The following COL27A1 variants were observed in gnomAD, a reference collection of about 807,000 sequenced individuals.
COL27A1 encodes the protein collagen type XXVII alpha 1 chain, also known as collagen alpha-1(XXVII) chain.
Under a neutral mutation model 251.3 loss-of-function variants are expected in COL27A1, and 106 were observed. The observed-to-expected ratio is 0.42, with a 90% CI of 0.36 to 0.50. COL27A1 has a LOEUF of 0.50. Ranked by LOEUF, COL27A1 falls within the 20% of genes least tolerant of loss-of-function variation. The pLI, the probability that COL27A1 is intolerant of heterozygous loss-of-function variation, is 0.00. For synonymous variants in COL27A1, 1,000 were observed against 986.3 expected (o/e 1.01, Z -0.26); for missense variants, 2,325 against 2,522.8 (o/e 0.92, Z 1.68).
intron 37 of COL27A1, 130 bp from the exon 38 acceptor site, chr9:114,282,147 C>T: frequency 1.3e-6 from 1 of 750,808 alleles, no homozygotes; most frequent in East Asian, 2.5e-5. Context: ...CATGTGGGTA[C>T]TGGGTGGCAG....
chr9:114,202,078 T>G, intron 7 of COL27A1, among the ~76,000 whole-genome samples: 1 of 152,218 alleles, frequency 6.6e-6, no homozygotes, highest in Admixed American at 6.5e-5. Context: ...ATGTGAAGGC[T>G]TCAGTGCTGA....
intron 41 of COL27A1, among the ~76,000 whole-genome samples, chr9:114,285,339 C>A (rs1489942456): frequency 6.6e-6 from 1 of 152,016 alleles, no homozygotes; most frequent in Non-Finnish European, 1.5e-5. Flanking sequence ...CTGGACCCTG[C>A]CCCCCCATGC....
intron 49 of COL27A1, among the ~76,000 whole-genome samples, chr9:114,295,366 A>G (rs915292854): frequency 6.6e-6 from 1 of 152,216 alleles, no homozygotes; most frequent in African/African-American, 2.4e-5. Context: ...AATTTCTTCA[A>G]ATTGGTGTAT....
At chr9:114,276,976 C>G (rs573978521) in intron 37 of COL27A1, among the ~76,000 whole-genome samples, 1 of 152,224 alleles carries the variant, frequency 6.6e-6, no homozygotes, top group Non-Finnish European at 1.5e-5. Flanking sequence ...CAGGCTCACA[C>G]AGTGAGAAAT....
chr9:114,246,564 T>G (rs1477884497), intron 24 of COL27A1, among the ~76,000 whole-genome samples: 3 of 151,940 alleles, frequency 2.0e-5, no homozygotes, highest in Non-Finnish European at 4.4e-5. Context: ...GGTGGAGAGG[T>G]GTTCATCTCC....
At chr9:114,156,164 T>C (rs1284177529) in intron 1 of COL27A1, 152 bp downstream of exon 1, 1 of 1,186,428 alleles carries the variant, frequency 8.4e-7, no homozygotes, top group Non-Finnish European at 1.1e-6. Context: ...CAAGGGTTAA[T>C]AGGGGCTGCG....
intron 36 of COL27A1, chr9:114,271,219 T>C (rs1835116812): frequency 6.1e-6 from 1 of 164,148 alleles, no homozygotes; most frequent in East Asian, 1.9e-4. Flanking sequence ...GGTACAACGC[T>C]AAGCCCTTTA....
At chr9:114,158,973 G>A (rs1430247033) in intron 1 of COL27A1, among the ~76,000 whole-genome samples, 52 of 152,232 alleles carry the variant, frequency 3.4e-4, no homozygotes, top group Admixed American at 3.4e-3. Flanking sequence ...TCTTTTCAAA[G>A]AAGGGAGAGA....
chr9:114,207,304 TG>T (rs1252713931), intron 10 of COL27A1, among the ~76,000 whole-genome samples: 9 of 150,910 alleles, frequency 6.0e-5, no homozygotes, highest in African/African-American at 2.2e-4. Context: ...GAGGCGGGAG[TG>T]GGGGCGGGGA....
At position 114,282,443 on chromosome 9, in the gene COL27A1, T is replaced by C. The variant is rs1023098312; in HGVS notation, c.3772-14T>C. 1.2e-6 allele frequency: 2 copies of C among 1,608,358 alleles called. No individual in the cohort carries two copies. Among genetic ancestry groups the C allele is most frequent in the Non-Finnish European group, 1.7e-6 (2 of 1,177,004 alleles). ...GTTGGGCCTGGTGACAGCTTGTCTT[T>C]CCTCCTGTTGCAGGGTGCCAAGGGC... On this transcript the variant is annotated splice_polypyrimidine_tract_variant and intron_variant, in intron 38 of 60. Transcript: ENST00000356083.
intron 56 of COL27A1, 111 bp from the exon 57 acceptor site, chr9:114,304,497 C>A: frequency 2.2e-6 from 2 of 898,188 alleles, no homozygotes; most frequent in Non-Finnish European, 3.7e-6. Flanking sequence ...CTGCAGAGGG[C>A]ATATGACTTG....
chr9:114,246,786 C>A (rs1446514419), intron 24 of COL27A1, among the ~76,000 whole-genome samples: 1 of 151,814 alleles, frequency 6.6e-6, no homozygotes, highest in Non-Finnish European at 1.5e-5. Context: ...TTTTTGAAAT[C>A]TTTCCAGTGT....
At chr9:114,307,591 G>T (rs771404520) in intron 58 of COL27A1, 78 bp from the exon 59 acceptor site, 1 of 1,000,722 alleles carries the variant, frequency 1.0e-6, no homozygotes, top group Non-Finnish European at 1.6e-6. Context: ...GTCACAAGAT[G>T]CAGGGTCCAT....
In COL27A1 at chr9:114,167,760, C is replaced by G. The variant is rs1848992758; in HGVS notation, c.205C>G (p.Pro69Ala). The G allele has an allele frequency of 3.7e-6, 6 of 1,613,734 alleles. No homozygotes were observed. In the Admixed American group the frequency reaches 1.0e-4, roughly 27 times the overall value. ...GAGCCCTGCACCCCCGGGAGTCATT[C>G]CTTTCCAGTCGGGCTTCATCTTTAC... ...AGSPAPPGVI[P>A]FQSGFIFTQR... The change falls in exon 3 of 61, where the codon CCT (proline) becomes GCT (alanine). Residue 69 changes from proline to alanine, a missense_variant. Transcript: ENST00000356083.
chr9:114,211,991 G>T (rs1167892847), intron 12 of COL27A1, among the ~76,000 whole-genome samples: 1 of 152,226 alleles, frequency 6.6e-6, no homozygotes, highest in Non-Finnish European at 1.5e-5. Flanking sequence ...TGGAGCATTC[G>T]AGAGTGCTCA....
intron 27 of COL27A1, among the ~76,000 whole-genome samples, chr9:114,253,625 ATCCTGGGGCAGATCTGACTGTAT>A (rs2135538212): frequency 1.3e-5 from 2 of 152,246 alleles, no homozygotes; most frequent in East Asian, 1.9e-4. Context: ...TCTGACTATA[ATCCTGGGGCAGATCTGACTGTAT>A]TCCTGGGGCA....
At chr9:114,191,936 C>T (rs1828777354) in intron 5 of COL27A1, among the ~76,000 whole-genome samples, 1 of 152,196 alleles carries the variant, frequency 6.6e-6, no homozygotes, top group Admixed American at 6.5e-5. Context: ...TGCTTATCAT[C>T]ATCACTGGTC....
chr9:114,304,905 A>T (rs1588902619), intron 57 of COL27A1, among the ~76,000 whole-genome samples: 3 of 152,178 alleles, frequency 2.0e-5, no homozygotes, highest in Non-Finnish European at 4.4e-5. Context: ...ACAGGCCCTG[A>T]ACCCTTGAGC....
chr9:114,193,988 G>A (rs2808787), intron 5 of COL27A1, among the ~76,000 whole-genome samples: 117,105 of 152,088 alleles, frequency 0.77, 45,372 homozygotes, highest in Non-Finnish European at 0.78. Context: ...GATTGGAGAA[G>A]GGGTTTCTAG....
Sources: allele counts gnomAD v4.1 joint callset (sites outside exome capture counted in the v4.1 genomes callset), GRCh38; gene constraint gnomAD v4.1.1; transcripts MANE v1.5; gene names NCBI Gene and HGNC (gene_info 2026-07-23, HGNC 2026-07-21).